NDRG2: variants seen among roughly 807,000 people sequenced by gnomAD.
NDRG2 encodes the protein protein NDRG2.
In NDRG2, 34 loss-of-function variants were observed where a neutral mutation model predicts 58.2. That is an observed-to-expected ratio of 0.58 (90% CI 0.44 to 0.78). The LOEUF (loss-of-function observed/expected upper bound fraction) is 0.78. Ranked by LOEUF, NDRG2 falls within the 30% of genes least tolerant of loss-of-function variation. NDRG2 has a pLI of 0.00. For missense variants in NDRG2, 434 were observed against 471.2 expected (o/e 0.92, Z 0.73); for synonymous variants, 187 against 175.9 (o/e 1.06, Z -0.50).
At chr14:21,069,390 C>A (rs553362708) in intron 1 of NDRG2, among the ~76,000 whole-genome samples, 3 of 152,348 alleles carry the variant, frequency 2.0e-5, no homozygotes, top group East Asian at 3.9e-4. Flanking sequence ...GCCACCCCAA[C>A]AGAAGGAAGG....
At chr14:21,027,094 C>T (rs767002364), upstream of NDRG2, among the ~76,000 whole-genome samples, 3 of 152,144 alleles carry the variant, frequency 2.0e-5, no homozygotes, top group Non-Finnish European at 4.4e-5. Context: ...TACGCAGGGG[C>T]GCAGGGCAGG....
At chr14:21,059,800 T>C (rs1230513779) in intron 1 of NDRG2, among the ~76,000 whole-genome samples, 12 of 152,214 alleles carry the variant, frequency 7.9e-5, no homozygotes, top group Admixed American at 7.9e-4. Context: ...GCTGGGATTA[T>C]AGGCGTCAGC....
chr14:21,062,284 T>C (rs565358712), intron 1 of NDRG2, among the ~76,000 whole-genome samples: 65 of 152,322 alleles, frequency 4.3e-4, no homozygotes, highest in African/African-American at 1.5e-3. Flanking sequence ...GTGATTATAT[T>C]TTCCGGTGTT....
chr14:21,065,363 T>C (rs1294024821), intron 1 of NDRG2, among the ~76,000 whole-genome samples: 2 of 152,182 alleles, frequency 1.3e-5, no homozygotes, highest in Non-Finnish European at 2.9e-5. Context: ...AAACCATTCC[T>C]GTTCTCTGGA....
intron 1 of NDRG2, among the ~76,000 whole-genome samples, chr14:21,045,304 C>T (rs1885095526): frequency 6.6e-6 from 1 of 152,170 alleles, no homozygotes; most frequent in Admixed American, 6.5e-5. Context: ...GATCATTAAA[C>T]AGTTCTAACA....
upstream of NDRG2, among the ~76,000 whole-genome samples, chr14:21,029,572 G>A (rs1359961576): frequency 6.6e-6 from 1 of 152,142 alleles, no homozygotes; most frequent in Non-Finnish European, 1.5e-5. Flanking sequence ...ATTTCAGCCT[G>A]GGCAACAGAC....
chr14:21,025,696 TC>T, upstream of NDRG2: 1 of 976,022 alleles, frequency 1.0e-6, no homozygotes, highest in Non-Finnish European at 1.2e-6. This position sits in a 1 kb window ranked among gnomAD's most constrained non-coding sequence, Gnocchi z 5.1. Context: ...CTTTGCTGCG[TC>T]CCGACGCCTG....
chr14:21,057,921 C>A, intron 1 of NDRG2: 1 of 1,613,960 alleles, frequency 6.2e-7, no homozygotes, highest in Admixed American at 1.7e-5. Context: ...GGATGCTGCC[C>A]CCTGCTGCTG....
intron 1 of NDRG2, chr14:21,032,938 C>G (rs983782592): frequency 2.2e-6 from 1 of 456,034 alleles, no homozygotes; most frequent in African/African-American, 2.0e-5. Context: ...ATCTTACATA[C>G]TCAGATGTGG....
Position 21,022,495 on chromosome 14 carries a change from A to G in NDRG2, c.120T>C (p.Thr40=). 6.2e-7 allele frequency: 1 copy of G among 1,612,044 alleles called. No individual in the cohort carries two copies. The highest frequency in any genetic ancestry group is 8.5e-7 in the Non-Finnish European group (1 of 1,178,180). Residue 40 remains threonine (T), a splice_region_variant and synonymous_variant, in exon 4 of 16, where the codon ACT becomes ACC. Coordinates refer to ENST00000556147, the MANE Select transcript of NDRG2 (RefSeq NM_001320329.2). ...AARILLDQGQ[T]HSVETPYGSV... is the part of the protein sequence containing the mutation. ...AGCCGTATGGTGTCTCCACAGAGTGAGTCTGCAGGAAAACAGGGCACCAAG... is the reference window on the plus strand; with the variant it reads ...AGCCGTATGGTGTCTCCACAGAGTGGGTCTGCAGGAAAACAGGGCACCAAG...
At chr14:21,053,445 G>GTGA (rs1380881509) in intron 1 of NDRG2, among the ~76,000 whole-genome samples, 6 of 152,126 alleles carry the variant, frequency 3.9e-5, no homozygotes, top group Admixed American at 6.5e-5. Context: ...GGCCAAGATG[G>GTGA]TGAAACCCCA....
At chr14:21,048,903 GA>G (rs1175904759) in intron 1 of NDRG2, among the ~76,000 whole-genome samples, 1 of 152,218 alleles carries the variant, frequency 6.6e-6, no homozygotes. Context: ...AGACAAAAAG[GA>G]CAATATGTAT....
chr14:21,067,645 G>C (rs1886339434), intron 1 of NDRG2, among the ~76,000 whole-genome samples: 1 of 152,134 alleles, frequency 6.6e-6, no homozygotes, highest in African/African-American at 2.4e-5. Flanking sequence ...TTGTGAATGA[G>C]AAGGCTTCTA....
intron 1 of NDRG2, among the ~76,000 whole-genome samples, chr14:21,058,789 G>C (rs1885801609): frequency 6.6e-6 from 1 of 152,246 alleles, no homozygotes; most frequent in East Asian, 1.9e-4. Context: ...AATCTCTGCT[G>C]TGTTCCCTGT....
chr14:21,027,028 A>G (rs1883725950), upstream of NDRG2, among the ~76,000 whole-genome samples: 1 of 152,180 alleles, frequency 6.6e-6, no homozygotes, highest in South Asian at 2.1e-4. Context: ...TGAAGGTTCC[A>G]GCATCTAAAT....
chr14:21,019,775 T>C (rs1482916578), intron 9 of NDRG2, 33 bp from the exon 10 acceptor site: 1 of 1,550,106 alleles, frequency 6.5e-7, no homozygotes, highest in African/African-American at 1.4e-5. Context: ...AAATTAGGGA[T>C]GGAAAGAGAA....
At chr14:21,063,314 C>T (rs888604828) in intron 1 of NDRG2, among the ~76,000 whole-genome samples, 6 of 152,010 alleles carry the variant, frequency 3.9e-5, no homozygotes, top group Non-Finnish European at 5.9e-5. Context: ...TGCTATATTC[C>T]GCCAATTACA....
chr14:21,042,807 G>A, intron 1 of NDRG2: 1 of 601,668 alleles, frequency 1.7e-6, no homozygotes, highest in Non-Finnish European at 2.9e-6. Flanking sequence ...TGTTGTTGGG[G>A]CTGCAGTGGA....
chr14:21,020,074 T>C (rs963971079), intron 8 of NDRG2, 98 bp from the exon 9 acceptor site: 4 of 1,090,772 alleles, frequency 3.7e-6, no homozygotes, highest in Non-Finnish European at 5.5e-6. Flanking sequence ...GGCGGGTGGA[T>C]CACGAGGTCA....
Sources: gnomAD v4.1 joint callset for allele counts (sites outside exome capture counted in the v4.1 genomes callset) on GRCh38, gnomAD v4.1.1 for gene constraint, Gnocchi (gnomAD v3.1) non-coding constraint, MANE v1.5 for transcripts, NCBI Gene and HGNC (gene_info 2026-07-23, HGNC 2026-07-21) for gene names.